The following SPAG5 variants were observed in gnomAD, a reference collection of about 807,000 sequenced individuals.
The protein encoded by SPAG5 is sperm associated antigen 5, also known as sperm-associated antigen 5.
SPAG5 carries 99 observed loss-of-function variants against 145.4 expected under a neutral mutation model. The ratio of observed to expected loss-of-function variants is 0.68; its 90% confidence interval spans 0.58 to 0.80. The LOEUF (loss-of-function observed/expected upper bound fraction) is 0.80, where lower values mean the gene tolerates loss of function less well. Ranked by LOEUF, SPAG5 falls within the 30% of genes least tolerant of loss-of-function variation. The pLI is 0.00. For missense variants in SPAG5, 1,192 were observed against 1,416.0 expected (o/e 0.84, Z 2.54); for synonymous variants, 477 against 525.4 (o/e 0.91, Z 1.26).
chr17:28,586,476 A>C lies in SPAG5; in HGVS notation c.1461T>G (p.Leu487=). Residue 487 remains leucine (L), a synonymous_variant, in exon 5 of 24, where the codon CTT becomes CTG. Coordinates refer to ENST00000321765, the MANE Select transcript of SPAG5 (RefSeq NM_006461.4). ...HSGITNKLQH[L]KESHEMGQAL... ...CCTGTCCCATCTCATGGCTCTCCTT[A>C]AGATGCTGAAGTTTATTAGTTATCT... is the stretch of plus-strand genomic sequence containing the variant. 6.2e-7 allele frequency: 1 copy of C among 1,613,800 alleles called. No homozygotes were observed. The highest frequency in any genetic ancestry group is 8.5e-7 in the Non-Finnish European group (1 of 1,179,648).
Position 28,586,446 on chromosome 17 carries a change from T to A in SPAG5, c.1491A>T (p.Leu497=). Residue 497 remains leucine (L), a synonymous_variant, in exon 5 of 24, where the codon CTA becomes CTT. Transcript: ENST00000321765. ...TTACCATGACATTTCTGGCCTGCTGTAGGGCCTGTCCCATCTCATGGCTCT... is the reference window on the plus strand; with the variant it reads ...TTACCATGACATTTCTGGCCTGCTGAAGGGCCTGTCCCATCTCATGGCTCT... ...LKESHEMGQA[L]QQARNVMQSW... is the part of the protein sequence containing the mutation. 1 of 1,613,784 alleles carries A rather than the reference T, an allele frequency of 6.2e-7. No homozygotes were observed. The highest frequency in any genetic ancestry group is 2.2e-5 in the East Asian group (1 of 44,890).
rs1341983810 is a variant in SPAG5 at position 28,578,002 on chromosome 17, G to A, written c.3510+8C>T. On this transcript the variant is annotated splice_region_variant and intron_variant, in intron 23 of 23. Coordinates refer to ENST00000321765, the MANE Select transcript of SPAG5 (RefSeq NM_006461.4). ...TCATTAGTGATATCACCTCCCTCCT[G>A]CCTATACCTTATAAATATGCTGAAC... 1 of 1,609,990 alleles carries A rather than the reference G, an allele frequency of 6.2e-7. No homozygotes were observed. The highest frequency in any genetic ancestry group is 8.5e-7 in the Non-Finnish European group (1 of 1,176,226).
intron 2 of SPAG5, among the ~76,000 whole-genome samples, chr17:28,597,156 C>T (rs545522789): frequency 6.2e-4 from 95 of 152,190 alleles, no homozygotes; most frequent in African/African-American, 2.2e-3. Context: ...GTGGCTCACA[C>T]CTGTAATCCC....
Position 28,592,497 on chromosome 17 carries a change from G to C in SPAG5, c.747C>G (p.Ser249=). 6.2e-7 allele frequency: 1 copy of C among 1,613,972 alleles called. No individual in the cohort carries two copies. Residue 249 remains serine, a synonymous_variant, in exon 3 of 24, where the codon TCC becomes TCG. Coordinates refer to ENST00000321765, the MANE Select transcript of SPAG5 (RefSeq NM_006461.4). The stretch of plus-strand genomic sequence containing the variant: ...AATCTGCTGCCAAGGCAGTTGAAGG[G>C]GAAAGCCAGAGAACAGAGGAAGGCA... The part of the protein sequence containing the change: ...AFLPSSVLWL[S]PSTALAADFR...
In SPAG5 at chr17:28,579,459, C is replaced by T. The variant is rs371208562; in HGVS notation, c.2911G>A (p.Ala971Thr). 1 of 1,614,080 alleles carries T rather than the reference C, an allele frequency of 6.2e-7. No individual in the cohort carries two copies. The highest frequency in any genetic ancestry group is 8.5e-7 in the Non-Finnish European group (1 of 1,179,974). Reference sequence around the variant, plus strand: ...TCAGTAGTCATAATACTCATTTCTGCCAGGCTCTCCTCCATGCCTGGGGTC... The same window carrying T: ...TCAGTAGTCATAATACTCATTTCTGTCAGGCTCTCCTCCATGCCTGGGGTC... ...AETPGMEESL[A>T]EMSIMTTELQ... Residue 971 changes from alanine (A) to threonine (T), a missense_variant, in exon 18 of 24, where the codon GCA (alanine) becomes ACA (threonine). Ala to Thr is a moderately conservative substitution (Grantham distance 58). Coordinates refer to ENST00000321765, the MANE Select transcript of SPAG5 (RefSeq NM_006461.4).
chr17:28,579,883 G>A, intron 16 of SPAG5, 46 bp from the exon 17 acceptor site: 5 of 1,582,644 alleles, frequency 3.2e-6, no homozygotes, highest in Non-Finnish European at 4.3e-6. Flanking sequence ...TGATGATCCA[G>A]GCAGGGGTCT....
At chr17:28,583,342 A>C (rs2070560568) in intron 15 of SPAG5, among the ~76,000 whole-genome samples, 169 bp downstream of exon 15, 1 of 152,198 alleles carries the variant, frequency 6.6e-6, no homozygotes, top group Admixed American at 6.5e-5. Flanking sequence ...TGTTCATAAT[A>C]GGGAGATAGG....
At chr17:28,587,694 G>A (rs1362729914) in intron 4 of SPAG5, among the ~76,000 whole-genome samples, 1 of 147,292 alleles carries the variant, frequency 6.8e-6, no homozygotes, top group Non-Finnish European at 1.5e-5. Flanking sequence ...CTCCAGTGTG[G>A]GTAACAGAGT....
In SPAG5 at chr17:28,592,086, A is replaced by C. The variant is rs2070625607; in HGVS notation, c.1158T>G (p.Thr386=). The part of the protein sequence containing the change: ...TTPFSTCSVG[T]WFTPSAPQEK... ...CCTGTGGTGCTGAAGGAGTAAACCA[A>C]GTCCCCACCGAGCAAGTAGAGAAAG... is the stretch of plus-strand genomic sequence containing the variant. The change falls in exon 3 of 24, where the codon ACT becomes ACG. Residue 386 remains threonine, a synonymous_variant. Coordinates refer to ENST00000321765, the MANE Select transcript of SPAG5 (RefSeq NM_006461.4). The C allele has an allele frequency of 2.5e-6, 4 of 1,613,962 alleles. No individual in the cohort carries two copies. Among genetic ancestry groups the C allele is most frequent in the South Asian group, 1.1e-5 (1 of 91,072 alleles).
Position 28,577,927 on chromosome 17 carries a change from A to G in SPAG5, c.3510+83T>C, listed in dbSNP as rs1017310964. On this transcript the variant is annotated intron_variant, in intron 23 of 23. Coordinates refer to ENST00000321765, the MANE Select transcript of SPAG5 (RefSeq NM_006461.4). Reference sequence around the variant, plus strand: ...GCCCAGCTCTCAGCACAGGCTGGGAACCAGATCTGTGCTCATTAGTACCTC... The same window carrying G: ...GCCCAGCTCTCAGCACAGGCTGGGAGCCAGATCTGTGCTCATTAGTACCTC... 7 of 1,293,198 alleles carry G rather than the reference A, an allele frequency of 5.4e-6. 1 individual carries two copies. The Admixed American group carries it at 8.7e-5, about 16-fold the overall frequency. 80.1% of individuals were successfully genotyped at this position (1,293,198 alleles called of 1,614,324 possible).
At chr17:28,579,086 G>A in intron 19 of SPAG5, 55 bp downstream of exon 19, 1 of 1,411,338 alleles carries the variant, frequency 7.1e-7, no homozygotes, top group Non-Finnish European at 9.9e-7. Flanking sequence ...GCTCCCAGTG[G>A]GCCAGTAGAG....
chr17:28,580,487 G>A (rs1403283605), intron 15 of SPAG5: 1 of 153,776 alleles, frequency 6.5e-6, no homozygotes, highest in Non-Finnish European at 1.4e-5. Flanking sequence ...ACTACACTCA[G>A]GCTTCTCCCC....
intron 2 of SPAG5, 111 bp from the exon 3 acceptor site, chr17:28,593,177 G>A: frequency 7.5e-7 from 1 of 1,328,096 alleles, no homozygotes; most frequent in Non-Finnish European, 1.0e-6. Context: ...TACTACCTCT[G>A]CTTAGGTAAG....
intron 10 of SPAG5, 36 bp downstream of exon 10, chr17:28,585,066 A>C (rs1353031068): frequency 6.4e-7 from 1 of 1,565,694 alleles, no homozygotes; most frequent in Admixed American, 1.7e-5. Flanking sequence ...TTAGGAAGGA[A>C]ACCAAGCCTA....
intron 15 of SPAG5, among the ~76,000 whole-genome samples, chr17:28,583,159 T>C (rs955456884): frequency 2.0e-5 from 3 of 152,142 alleles, no homozygotes; most frequent in Non-Finnish European, 4.4e-5. Flanking sequence ...CTGTATTTTT[T>C]TGTAGAGATG....
chr17:28,591,930 G>T, intron 3 of SPAG5, 52 bp downstream of exon 3: 1 of 1,609,140 alleles, frequency 6.2e-7, no homozygotes. Context: ...GATGGGAGGG[G>T]AAGGTCCAGG....
chr17:28,580,624 G>A (rs2151519495), intron 15 of SPAG5: 1 of 152,324 alleles, frequency 6.6e-6, no homozygotes, highest in African/African-American at 2.4e-5. Flanking sequence ...TGTTCTTTTA[G>A]AAACTTCCTT....
chr17:28,579,966 C>G (rs371958290), intron 16 of SPAG5, 43 bp downstream of exon 16: 26 of 1,543,850 alleles, frequency 1.7e-5, no homozygotes, highest in Non-Finnish European at 2.2e-5. Flanking sequence ...ATATCAGGAG[C>G]AGCGTCACAA....
At chr17:28,595,055 C>T (rs980847660) in intron 2 of SPAG5, among the ~76,000 whole-genome samples, 2 of 151,188 alleles carry the variant, frequency 1.3e-5, no homozygotes, top group Non-Finnish European at 2.9e-5. Context: ...GTCAGGAGTT[C>T]GAGTGCAGCT....
Sources: allele counts gnomAD v4.1 joint callset (sites outside exome capture counted in the v4.1 genomes callset), GRCh38; gene constraint gnomAD v4.1.1; transcripts MANE v1.5; gene names NCBI Gene and HGNC (gene_info 2026-07-23, HGNC 2026-07-21).